DDX55: variants seen among roughly 807,000 people sequenced by gnomAD.
The protein encoded by DDX55 is ATP-dependent RNA helicase DDX55.
Under a neutral mutation model 69.2 loss-of-function variants are expected in DDX55, and 56 were observed. That is an observed-to-expected ratio of 0.81 (90% CI 0.65 to 1.01). DDX55 has a LOEUF of 1.01. Among genes scored for constraint, DDX55 ranks in the 50% least tolerant of loss-of-function variants. The pLI, the probability that DDX55 is intolerant of heterozygous loss-of-function variation, is 0.00. For synonymous variants in DDX55, 268 were observed against 273.1 expected, an observed-to-expected ratio of 0.98 and a Z score of 0.18; for missense variants, 720 against 745.1, an observed-to-expected ratio of 0.97 and a Z score of 0.39.
chr12:123,607,575 A>G, intron 4 of DDX55, 25 bp from the exon 5 acceptor site: 1 of 1,614,178 alleles, frequency 6.2e-7, no homozygotes, highest in Non-Finnish European at 8.5e-7. Context: ...GTCGAACTTA[A>G]TCAAAGGCTG....
Position 123,618,854 on chromosome 12 carries a change from C to A in DDX55, c.1333+17C>A, listed in dbSNP as rs1481719009. Reference sequence around the variant, plus strand: ...GATTAAAGGGTAAGTTGGACTTCTTCATGTGATAATGTCTCCATCTTAACT... The same window carrying A: ...GATTAAAGGGTAAGTTGGACTTCTTAATGTGATAATGTCTCCATCTTAACT... On this transcript the variant is annotated intron_variant, in intron 12 of 13. Coordinates refer to ENST00000238146, the MANE Select transcript of DDX55 (RefSeq NM_020936.3). 1 of 1,612,394 alleles carries A rather than the reference C, an allele frequency of 6.2e-7. No homozygotes were observed.
chr12:123,619,499 A>G lies in DDX55; in HGVS notation c.1401A>G (p.Arg467=). The part of the protein sequence containing the change: ...LLRMPKMPEL[R]GKQFPDFVPV... ...GGATGCCCAAGATGCCAGAATTGAGAGGAAAGCAGTTTCCAGATTTTGTGC... is the reference window on the plus strand; with the variant it reads ...GGATGCCCAAGATGCCAGAATTGAGGGGAAAGCAGTTTCCAGATTTTGTGC... Residue 467 remains arginine (R), a synonymous_variant, in exon 13 of 14, where the codon AGA becomes AGG. Coordinates refer to ENST00000238146, the MANE Select transcript of DDX55 (RefSeq NM_020936.3). 6.2e-7 allele frequency: 1 copy of G among 1,614,022 alleles called. No individual in the cohort carries two copies. Among genetic ancestry groups the G allele is most frequent in the Non-Finnish European group, 8.5e-7 (1 of 1,179,938 alleles).
chr12:123,615,839 G>A (rs1176317905), intron 9 of DDX55, among the ~76,000 whole-genome samples: 1 of 152,156 alleles, frequency 6.6e-6, no homozygotes, highest in Non-Finnish European at 1.5e-5. Flanking sequence ...AAAATTAGTC[G>A]GGCATGGTGG....
intron 7 of DDX55, among the ~76,000 whole-genome samples, 168 bp from the exon 8 acceptor site, chr12:123,613,000 CAT>C (rs57153600): frequency 0.2 from 30,917 of 152,036 alleles, 3,531 homozygotes; most frequent in Middle Eastern, 0.29. Context: ...GGCAGCAGCA[CAT>C]GTTGATATTT....
chr12:123,607,721 C>T (rs1456839130), intron 5 of DDX55, 59 bp downstream of exon 5: 6 of 1,611,576 alleles, frequency 3.7e-6, no homozygotes, highest in African/African-American at 1.3e-5. Context: ...ACCTAAGAAT[C>T]GATGTGTGAT....
intron 1 of DDX55, among the ~76,000 whole-genome samples, chr12:123,603,638 C>T (rs1953709034): frequency 6.6e-6 from 1 of 152,048 alleles, no homozygotes; most frequent in Admixed American, 6.5e-5. Context: ...GATCCACCCG[C>T]CTTGGCCTCC....
In DDX55 at chr12:123,618,506, A is replaced by G. The variant is rs762059845; in HGVS notation, c.1165-163A>G. 6.3e-4 allele frequency: 973 copies of G among 1,537,688 alleles called. 2 individuals carry two copies. Among genetic ancestry groups the G allele is most frequent in the Non-Finnish European group, 7.8e-4 (897 of 1,145,388 alleles). On this transcript the variant is annotated intron_variant, in intron 11 of 13. Coordinates refer to ENST00000238146, the MANE Select transcript of DDX55 (RefSeq NM_020936.3). ...TTAAATTTTCTTTTAAAAATTTAAC[A>G]TACTTTACAGAGCATGTGAAATATT...
rs1359447250 is a variant in DDX55, at chr12:123,620,648, A to G, written c.*508A>G. ...TATATAAGCTCTTTTTTCTGAGGCT[A>G]TTTTATAGTTATTTTTAAACATAAA... On this transcript the variant is annotated 3_prime_UTR_variant, in exon 14 of 14. Transcript: ENST00000238146. 2 of 114,952 alleles carry G rather than the reference A, an allele frequency of 1.7e-5. No individual in the cohort carries two copies. The highest frequency in any genetic ancestry group is 3.2e-5 in the African/African-American group (1 of 31,476). The allele number at this position is 114,952 out of a possible 1,614,324, so 7.1% of individuals were successfully genotyped here.
At chr12:123,612,142 CA>C (rs1463429327) in intron 7 of DDX55, among the ~76,000 whole-genome samples, 1 of 152,172 alleles carries the variant, frequency 6.6e-6, no homozygotes, top group Non-Finnish European at 1.5e-5. Context: ...ATACTCGGAG[CA>C]TTTTGGATTT....
At chr12:123,610,889 CG>C (rs1566189758) in intron 7 of DDX55, among the ~76,000 whole-genome samples, 1 of 133,076 alleles carries the variant, frequency 7.5e-6, no homozygotes, top group African/African-American at 3.4e-5. Flanking sequence ...CGCGCCCGGC[CG>C]TTTTTTTTTG....
At chr12:123,602,545 C>G (rs1392876681) in intron 1 of DDX55, among the ~76,000 whole-genome samples, 2 of 152,174 alleles carry the variant, frequency 1.3e-5, no homozygotes, top group Non-Finnish European at 2.9e-5. Flanking sequence ...AATGGCTTAA[C>G]CTCTCCGTGC....
intron 10 of DDX55, 79 bp from the exon 11 acceptor site, chr12:123,617,679 C>A (rs1954780964): frequency 6.8e-6 from 9 of 1,323,586 alleles, no homozygotes; most frequent in South Asian, 2.8e-5. Context: ...GTTTTAGCTG[C>A]AGCAGCCATG....
intron 6 of DDX55, among the ~76,000 whole-genome samples, chr12:123,609,152 A>G (rs1336462002): frequency 9.2e-5 from 14 of 151,860 alleles, no homozygotes; most frequent in Admixed American, 9.2e-4. Context: ...AGGTTTTGCC[A>G]TGTTGCCCAG....
intron 11 of DDX55, chr12:123,618,452 G>T (rs961974395): frequency 3.5e-6 from 5 of 1,436,158 alleles, no homozygotes; most frequent in Non-Finnish European, 4.8e-6. Context: ...TTTGCTACCA[G>T]ATTAGGATTG....
At chr12:123,605,762 A>G (rs1953846510) in intron 1 of DDX55, 169 bp from the exon 2 acceptor site, 5 of 873,306 alleles carry the variant, frequency 5.7e-6, no homozygotes, top group East Asian at 5.2e-5. Flanking sequence ...CCACATAGAC[A>G]CAGTTGCCAC....
Position 123,618,747 on chromosome 12 carries a change from AG to A in DDX55, c.1244del (p.Arg415LysfsTer8). 1 of 1,614,198 alleles carries A rather than the reference AG, an allele frequency of 6.2e-7. No individual in the cohort carries two copies. Among genetic ancestry groups the A allele is most frequent in the Non-Finnish European group, 8.5e-7 (1 of 1,180,012 alleles). ...PKLKSMALAD[R>X]AVFEKGMKAF... ...ACTCAAGTCCATGGCCCTGGCTGACAGAGCTGTGTTTGAAAAGGGCATGAAA... is the reference window on the plus strand; with the variant it reads ...ACTCAAGTCCATGGCCCTGGCTGACAAGCTGTGTTTGAAAAGGGCATGAAA... On this transcript the variant is annotated frameshift_variant, in exon 12 of 14. Coordinates refer to ENST00000238146, the MANE Select transcript of DDX55 (RefSeq NM_020936.3). LOFTEE classifies it high-confidence loss of function.
chr12:123,613,001 ATG>A (rs906966343), intron 7 of DDX55, among the ~76,000 whole-genome samples, 167 bp from the exon 8 acceptor site: 6 of 97,154 alleles, frequency 6.2e-5, no homozygotes, highest in South Asian at 7.2e-4. Flanking sequence ...GCAGCAGCAC[ATG>A]TTGATATTTA....
intron 1 of DDX55, chr12:123,605,434 C>A (rs915713680): frequency 4.3e-6 from 1 of 233,186 alleles, no homozygotes; most frequent in Non-Finnish European, 8.6e-6. Context: ...TAATATTACA[C>A]CTGCTGTGAT....
Position 123,606,149 on chromosome 12 carries a change from A to C in DDX55, c.236A>C (p.Lys79Thr), listed in dbSNP as rs368408656. The C allele has an allele frequency of 6.2e-7, 1 of 1,614,114 alleles. No homozygotes were observed. Among genetic ancestry groups the C allele is most frequent in the Non-Finnish European group, 8.5e-7 (1 of 1,180,020 alleles). The change falls in exon 3 of 14, where the codon AAA (lysine) becomes ACA (threonine). Residue 79 changes from lysine to threonine, a missense_variant. Coordinates refer to ENST00000238146, the MANE Select transcript of DDX55 (RefSeq NM_020936.3). Reference sequence around the variant, plus strand: ...CTTCTGAGAAGAGAAGAGAAGTTAAAAAAGAGTCAGGTGAGGACAACAAAA... The same window carrying C: ...CTTCTGAGAAGAGAAGAGAAGTTAACAAAGAGTCAGGTGAGGACAACAAAA... ...EILLRREEKL[K>T]KSQVGAIIIT...
Sources: gnomAD v4.1 joint callset for allele counts (sites outside exome capture counted in the v4.1 genomes callset) on GRCh38, gnomAD v4.1.1 for gene constraint, MANE v1.5 for transcripts, NCBI Gene and HGNC (gene_info 2026-07-23, HGNC 2026-07-21) for gene names.